Variants in TMEM74 observed in about 807,000 individuals in gnomAD.
The protein encoded by TMEM74 is transmembrane protein 74.
TMEM74 carries 13 observed loss-of-function variants against 18.1 expected under a neutral mutation model. The ratio of observed to expected loss-of-function variants is 0.72; its 90% CI spans 0.47 to 1.14. The LOEUF (loss-of-function observed/expected upper bound fraction) is 1.14. TMEM74 is among the 50% of genes most tolerant of loss of function. The pLI is 0.00. For missense variants in TMEM74, 372 were observed against 375.9 expected (o/e 0.99, Z 0.09); for synonymous variants, 159 against 146.6 (o/e 1.08, Z -0.61).
At chr8:108,750,839 T>C (rs1226507431) in intron 1 of TMEM74, among the ~76,000 whole-genome samples, 1 of 152,098 alleles carries the variant, frequency 6.6e-6, no homozygotes, top group South Asian at 2.1e-4. Context: ...TGGATCAAAG[T>C]TAAACACTGC....
intron 2 of TMEM74, among the ~76,000 whole-genome samples, chr8:108,615,456 A>G (rs1812373583): frequency 6.6e-6 from 1 of 152,176 alleles, no homozygotes; most frequent in Non-Finnish European, 1.5e-5. Flanking sequence ...GTTCCAGTTA[A>G]CAGGCCCTTA....
chr8:108,769,949 TC>T (rs1396800644), intron 1 of TMEM74, among the ~76,000 whole-genome samples: 2 of 151,400 alleles, frequency 1.3e-5, no homozygotes, highest in Non-Finnish European at 2.9e-5. Flanking sequence ...CCTTCTAGCA[TC>T]TTTTTTTTTT....
intron 1 of TMEM74, among the ~76,000 whole-genome samples, chr8:108,757,268 A>G (rs1813986008): frequency 6.6e-6 from 1 of 152,054 alleles, no homozygotes; most frequent in Non-Finnish European, 1.5e-5. Flanking sequence ...TCTAGTAGGT[A>G]GTAGATGGAG....
intron 1 of TMEM74, among the ~76,000 whole-genome samples, chr8:108,662,751 T>C (rs1360756056): frequency 6.6e-6 from 1 of 152,130 alleles, no homozygotes; most frequent in Non-Finnish European, 1.5e-5. Context: ...AATTTATGCA[T>C]AAAAAGCTCT....
At chr8:108,712,652 C>T (rs2130624550) in intron 1 of TMEM74, among the ~76,000 whole-genome samples, 1 of 152,242 alleles carries the variant, frequency 6.6e-6, no homozygotes, top group East Asian at 1.9e-4. Flanking sequence ...GATTATGGTT[C>T]AAAGTAATTG....
chr8:108,757,833 C>G (rs1301200901), intron 1 of TMEM74, among the ~76,000 whole-genome samples: 2 of 152,012 alleles, frequency 1.3e-5, no homozygotes, highest in Non-Finnish European at 2.9e-5. Context: ...CCTTAGCAAA[C>G]ACGTTGTAGC....
intron 1 of TMEM74, 40 bp from the exon 2 acceptor site, chr8:108,785,177 G>C: frequency 6.9e-7 from 1 of 1,453,436 alleles, no homozygotes; most frequent in Non-Finnish European, 9.2e-7. Context: ...CCCAACAGAA[G>C]CTAAGGTTGT....
At chr8:108,679,599 G>C (rs998041537) in intron 1 of TMEM74, among the ~76,000 whole-genome samples, 3 of 152,086 alleles carry the variant, frequency 2.0e-5, no homozygotes, top group African/African-American at 7.2e-5. Context: ...GGGGTTGTTT[G>C]TTTTTTCTTG....
At chr8:108,705,056 AATC>A (rs1193126669) in intron 1 of TMEM74, among the ~76,000 whole-genome samples, 3 of 152,210 alleles carry the variant, frequency 2.0e-5, no homozygotes, top group Non-Finnish European at 4.4e-5. Context: ...CTTTTAGTAA[AATC>A]ATGATAGCAT....
chr8:108,776,918 T>A (rs772064509), downstream of TMEM74, among the ~76,000 whole-genome samples: 4 of 152,032 alleles, frequency 2.6e-5, no homozygotes, highest in Admixed American at 2.0e-4. Context: ...CCCAATTCAG[T>A]TTTTCATCAG....
chr8:108,695,753 A>G (rs1813275646), intron 1 of TMEM74, among the ~76,000 whole-genome samples: 1 of 152,174 alleles, frequency 6.6e-6, no homozygotes, highest in African/African-American at 2.4e-5. Flanking sequence ...AGGAACTAAA[A>G]AAAGGGGGAA....
chr8:108,786,333 C>G (rs1814384779), intron 1 of TMEM74, among the ~76,000 whole-genome samples: 1 of 152,186 alleles, frequency 6.6e-6, no homozygotes, highest in Non-Finnish European at 1.5e-5. Context: ...TTTCCACTAT[C>G]ATTAGAGATT....
chr8:108,615,032 C>G (rs10091309), intron 2 of TMEM74, among the ~76,000 whole-genome samples: 1 of 152,120 alleles, frequency 6.6e-6, no homozygotes, highest in Admixed American at 6.5e-5. Context: ...GGTCAATATT[C>G]TGGACTCTCT....
At chr8:108,734,016 A>G (rs1200049599) in intron 1 of TMEM74, among the ~76,000 whole-genome samples, 1 of 152,208 alleles carries the variant, frequency 6.6e-6, no homozygotes, top group Admixed American at 6.5e-5. Flanking sequence ...AGGGATATCA[A>G]GAGAGCTGGT....
chr8:108,752,391 T>A (rs150419639), intron 1 of TMEM74, among the ~76,000 whole-genome samples: 1 of 152,196 alleles, frequency 6.6e-6, no homozygotes, highest in African/African-American at 2.4e-5. Flanking sequence ...CAGAATAAGC[T>A]CTCAGGAAAT....
At chr8:108,663,004 C>T (rs545424306) in intron 1 of TMEM74, among the ~76,000 whole-genome samples, 1 of 152,182 alleles carries the variant, frequency 6.6e-6, no homozygotes, top group African/African-American at 2.4e-5. Flanking sequence ...ATTGCCTTGG[C>T]TATTCGAGCT....
chr8:108,712,111 G>C (rs1024160721), intron 1 of TMEM74, among the ~76,000 whole-genome samples: 2 of 152,144 alleles, frequency 1.3e-5, no homozygotes, highest in African/African-American at 4.8e-5. Context: ...GAAGCTCTGA[G>C]GGATGGGGCT....
chr8:108,766,715 T>A (rs1814111570), intron 1 of TMEM74, among the ~76,000 whole-genome samples: 1 of 152,258 alleles, frequency 6.6e-6, no homozygotes, highest in Admixed American at 6.5e-5. Flanking sequence ...CAGTAGGCTG[T>A]CTGCAAGTTG....
chr8:108,753,928 A>G (rs1813929977), intron 1 of TMEM74, among the ~76,000 whole-genome samples: 1 of 152,162 alleles, frequency 6.6e-6, no homozygotes, highest in South Asian at 2.1e-4. Flanking sequence ...TTTATAGTGG[A>G]TCTCAAACTT....
Sources: gnomAD v4.1 joint callset for allele counts (sites outside exome capture counted in the v4.1 genomes callset) on GRCh38, gnomAD v4.1.1 for gene constraint, MANE v1.5 for transcripts, NCBI Gene and HGNC (gene_info 2026-07-23, HGNC 2026-07-21) for gene names.